The following GADL1 variants were observed in gnomAD, a reference collection of about 807,000 sequenced individuals.
GADL1 encodes the protein acidic amino acid decarboxylase GADL1.
In GADL1, 71 loss-of-function variants were observed where a neutral mutation model predicts 69.5. The ratio of observed to expected loss-of-function variants is 1.02; its 90% confidence interval spans 0.84 to 1.25. The LOEUF (loss-of-function observed/expected upper bound fraction) is 1.25. GADL1 is among the 50% of genes most tolerant of loss of function. The pLI, the probability that GADL1 is intolerant of heterozygous loss-of-function variation, is 0.00. For synonymous variants in GADL1, 254 were observed against 214.4 expected (o/e 1.18, Z -1.62); for missense variants, 737 against 631.8 (o/e 1.17, Z -1.79).
At chr3:30,891,356 C>T (rs938745237) in intron 1 of GADL1, among the ~76,000 whole-genome samples, 1 of 152,108 alleles carries the variant, frequency 6.6e-6, no homozygotes, top group African/African-American at 2.4e-5. Context: ...GCGAACCTCC[C>T]AAAACTGACA....
At chr3:30,826,251 G>C (rs1416164912) in intron 11 of GADL1, among the ~76,000 whole-genome samples, 3 of 151,826 alleles carry the variant, frequency 2.0e-5, no homozygotes, top group Admixed American at 6.6e-5. Flanking sequence ...TCAACTGCTG[G>C]TCTTTATCAA....
chr3:30,854,044 ACT>A (rs1482413061), intron 4 of GADL1, among the ~76,000 whole-genome samples: 3 of 152,026 alleles, frequency 2.0e-5, no homozygotes, highest in Admixed American at 2.0e-4. Context: ...CAGTCCTGTA[ACT>A]CTCTCAGCTG....
In GADL1 at chr3:30,854,718, C is replaced by A. The variant is rs947175392; in HGVS notation, c.409G>T (p.Glu137Ter). ...ACTTACACACTTGGATTCAATGCTT[C>A]GGTCATAAATCGGGCCACCAAGGAG... The part of the protein sequence containing the change: ...YYSLVARFMT[E>*]ALNPSVYTYE... Residue 137 changes from glutamate (E) to a stop codon, truncating the protein, a stop_gained, in exon 4 of 15, where the codon GAA becomes TAA. Transcript: ENST00000282538. LOFTEE classifies it high-confidence loss of function. 1.9e-6 allele frequency: 3 copies of A among 1,547,440 alleles called. No homozygotes were observed. The highest frequency in any genetic ancestry group is 1.4e-5 in the African/African-American group (1 of 72,842).
At chr3:30,868,787 A>C (rs949247045) in intron 1 of GADL1, among the ~76,000 whole-genome samples, 2 of 151,914 alleles carry the variant, frequency 1.3e-5, no homozygotes, top group Non-Finnish European at 2.9e-5. Context: ...AAGTCTCTTT[A>C]ATTGTTCAGA....
intron 1 of GADL1, among the ~76,000 whole-genome samples, chr3:30,871,775 C>T (rs1465772479): frequency 6.6e-6 from 1 of 151,804 alleles, no homozygotes; most frequent in East Asian, 1.9e-4. Context: ...TCCATAAACA[C>T]CATCCAGCTT....
intron 1 of GADL1, among the ~76,000 whole-genome samples, chr3:30,882,138 T>A (rs1247819919): frequency 2.0e-5 from 3 of 151,772 alleles, no homozygotes; most frequent in African/African-American, 4.9e-5. Flanking sequence ...TTATTTTTTT[T>A]AATTAGGTAT....
chr3:30,876,854 C>A (rs918044094), intron 1 of GADL1, among the ~76,000 whole-genome samples: 18 of 151,942 alleles, frequency 1.2e-4, no homozygotes, highest in African/African-American at 2.9e-4. Context: ...CAGAGTTACC[C>A]AGCAGGATTA....
At chr3:30,776,879 CCT>C (rs1210067875) in intron 14 of GADL1, among the ~76,000 whole-genome samples, 1 of 152,186 alleles carries the variant, frequency 6.6e-6, no homozygotes, top group Non-Finnish European at 1.5e-5. Flanking sequence ...CCCTCTTGAG[CCT>C]CTGAGTTCTC....
chr3:30,888,023 A>G lies in GADL1; in HGVS notation c.37+6555T>C, dbSNP rs376224775. 1.9e-4 allele frequency among the ~76,000 whole-genome samples: 29 copies of G among 152,326 alleles called. 1 individual carries two copies. In the South Asian group the frequency reaches 6.0e-3, roughly 32 times the overall value. On this transcript the variant is annotated intron_variant, in intron 1 of 14. Transcript: ENST00000282538. ...ATAACCTAAGCACATCCTCCTGTATATTGTAAATCATCTCAAGATTATTTA... is the reference window on the plus strand; with the variant it reads ...ATAACCTAAGCACATCCTCCTGTATGTTGTAAATCATCTCAAGATTATTTA...
At chr3:30,741,246 A>C (rs1343295174) in intron 14 of GADL1, among the ~76,000 whole-genome samples, 1 of 144,110 alleles carries the variant, frequency 6.9e-6, no homozygotes, top group Non-Finnish European at 1.5e-5. Context: ...GTTATACTTA[A>C]GCTCTCTCTG....
intron 14 of GADL1, among the ~76,000 whole-genome samples, chr3:30,776,482 CAA>C (rs1463888825): frequency 2.0e-5 from 3 of 152,188 alleles, no homozygotes; most frequent in Non-Finnish European, 4.4e-5. Context: ...AAATACAAGA[CAA>C]ATCCCCAAAG....
intron 9 of GADL1, among the ~76,000 whole-genome samples, chr3:30,835,296 A>G (rs1451217257): frequency 6.6e-6 from 1 of 152,070 alleles, no homozygotes; most frequent in Non-Finnish European, 1.5e-5. Flanking sequence ...TGCTTTAGGC[A>G]ATAGGTAAGT....
At chr3:30,836,779 C>T (rs545353533) in intron 9 of GADL1, among the ~76,000 whole-genome samples, 66 of 152,168 alleles carry the variant, frequency 4.3e-4, no homozygotes, top group African/African-American at 1.5e-3. Context: ...GGCTTTCCAG[C>T]AGCTACAACC....
chr3:30,853,687 G>T (rs1698184304), intron 4 of GADL1, among the ~76,000 whole-genome samples: 1 of 152,038 alleles, frequency 6.6e-6, no homozygotes, highest in South Asian at 2.1e-4. Flanking sequence ...AGAAACCCAG[G>T]CATTGTCCCA....
rs1265965864 is a variant in GADL1, at chr3:30,727,043, G to T, written c.*1199C>A. 1 of 151,722 alleles carries T rather than the reference G, an allele frequency of 6.6e-6. No individual in the cohort carries two copies. The highest frequency in any genetic ancestry group is 1.5e-5 in the Non-Finnish European group (1 of 67,858). 9.4% of individuals were successfully genotyped at this position (151,722 alleles called of 1,614,324 possible). A position where few individuals can be genotyped will look rare whatever the true frequency, so the allele number is the denominator to read the frequency against. On this transcript the variant is annotated 3_prime_UTR_variant, in exon 15 of 15. Transcript: ENST00000282538. Reference sequence around the variant, plus strand: ...AGGCACAGAGCAAGATAATAAACAAGCCCCTCAAGCTAAAAGAGGAACACA... The same window carrying T: ...AGGCACAGAGCAAGATAATAAACAATCCCCTCAAGCTAAAAGAGGAACACA...
chr3:30,748,450 A>G (rs1695744842), intron 14 of GADL1, among the ~76,000 whole-genome samples: 1 of 151,884 alleles, frequency 6.6e-6, no homozygotes, highest in Non-Finnish European at 1.5e-5. Flanking sequence ...TGTAAGAAAC[A>G]CCCCCATAGA....
intron 14 of GADL1, among the ~76,000 whole-genome samples, chr3:30,741,016 TATATA>T (rs1338629975): frequency 2.8e-5 from 3 of 107,320 alleles, no homozygotes; most frequent in Non-Finnish European, 3.7e-5. Context: ...TATTATATAT[TATATA>T]ATATATTATA....
At chr3:30,813,958 A>G (rs1428650028) in intron 11 of GADL1, among the ~76,000 whole-genome samples, 1 of 152,202 alleles carries the variant, frequency 6.6e-6, no homozygotes, top group Non-Finnish European at 1.5e-5. Context: ...CACTATACTA[A>G]TGGCTATTTG....
In GADL1 at chr3:30,857,058, T is replaced by C; in HGVS notation, c.294A>G (p.Leu98=). The part of the protein sequence containing the change: ...MRDSGEPPHK[L]LELCRDVIHY... ...GTATGACATCCCGACAGAGTTCCAATAGTTTATGGGGTGGCTCGCCTGAGT... is the reference window on the plus strand; with the variant it reads ...GTATGACATCCCGACAGAGTTCCAACAGTTTATGGGGTGGCTCGCCTGAGT... The change falls in exon 3 of 15, where the codon CTA becomes CTG. Residue 98 remains leucine, a synonymous_variant. Transcript: ENST00000282538. 5.2e-6 allele frequency: 8 copies of C among 1,549,934 alleles called. No individual in the cohort carries two copies. Among genetic ancestry groups the C allele is most frequent in the Non-Finnish European group, 7.0e-6 (8 of 1,145,634 alleles).
Sources: gnomAD v4.1 joint callset for allele counts (sites outside exome capture counted in the v4.1 genomes callset) on GRCh38, gnomAD v4.1.1 for gene constraint, MANE v1.5 for transcripts, NCBI Gene and HGNC (gene_info 2026-07-23, HGNC 2026-07-21) for gene names.